COX10: variants seen among roughly 807,000 people sequenced by gnomAD.
COX10 encodes cytochrome c oxidase assembly factor heme A:farnesyltransferase COX10.
A neutral mutation model predicts 37.3 loss-of-function variants in COX10; 27 were observed. The observed-to-expected ratio is 0.72, with a 90% CI of 0.53 to 1.00. The LOEUF (loss-of-function observed/expected upper bound fraction) is 1.00. COX10 is among the 50% of genes least tolerant of loss of function. COX10 has a pLI of 0.00. For missense variants in COX10, 475 were observed against 563.2 expected, an observed-to-expected ratio of 0.84 and a Z score of 1.59; for synonymous variants, 222 against 229.1, an observed-to-expected ratio of 0.97 and a Z score of 0.28.
chr17:14,072,175 T>C (rs2142178747), intron 1 of COX10, among the ~76,000 whole-genome samples: 1 of 152,206 alleles, frequency 6.6e-6, no homozygotes, highest in East Asian at 1.9e-4. Context: ...AGCTGTTTTT[T>C]CTTCTTACTA....
At chr17:14,101,015 T>A (rs1312394283) in intron 3 of COX10, among the ~76,000 whole-genome samples, 2 of 152,104 alleles carry the variant, frequency 1.3e-5, no homozygotes, top group Non-Finnish European at 2.9e-5. Context: ...TTCCAGACAA[T>A]GCTAAATGTC....
At chr17:14,176,430 T>A (rs936690536) in intron 5 of COX10, among the ~76,000 whole-genome samples, 1 of 151,992 alleles carries the variant, frequency 6.6e-6, no homozygotes, top group Non-Finnish European at 1.5e-5. Flanking sequence ...AATAATAGAG[T>A]AAACCCCGCA....
At chr17:14,127,692 T>C (rs1916374254) in intron 4 of COX10, among the ~76,000 whole-genome samples, 1 of 152,130 alleles carries the variant, frequency 6.6e-6, no homozygotes, top group Admixed American at 6.5e-5. Flanking sequence ...TGGCCTTGTG[T>C]TTAAAATATT....
At chr17:14,124,543 C>T (rs1180838762) in intron 4 of COX10, among the ~76,000 whole-genome samples, 1 of 152,110 alleles carries the variant, frequency 6.6e-6, no homozygotes, top group African/African-American at 2.4e-5. Flanking sequence ...TGTTTGTTCT[C>T]ACAGTTCATG....
intron 4 of COX10, among the ~76,000 whole-genome samples, chr17:14,112,220 A>T (rs1353233759): frequency 1.3e-5 from 2 of 152,174 alleles, no homozygotes; most frequent in African/African-American, 2.4e-5. Flanking sequence ...CTCAGTGAAC[A>T]TTCAGGCTTT....
chr17:14,206,069 C>A (rs1906689275), intron 6 of COX10, among the ~76,000 whole-genome samples: 1 of 152,162 alleles, frequency 6.6e-6, no homozygotes, highest in Non-Finnish European at 1.5e-5. Flanking sequence ...CCCGCTTGTG[C>A]CATTGTGCCA....
intron 3 of COX10, among the ~76,000 whole-genome samples, chr17:14,099,218 G>A (rs1243081849): frequency 3.3e-5 from 5 of 152,048 alleles, no homozygotes; most frequent in Admixed American, 3.3e-4. Context: ...CCATATTTGG[G>A]AACAACTGAG....
intron 6 of COX10, among the ~76,000 whole-genome samples, chr17:14,206,516 C>G (rs1347272214): frequency 6.6e-6 from 1 of 152,130 alleles, no homozygotes; most frequent in Non-Finnish European, 1.5e-5. Context: ...TCCTGCAGCG[C>G]AGGCAGCCCC....
chr17:14,180,067 G>T (rs544592863), intron 5 of COX10, among the ~76,000 whole-genome samples: 1 of 152,230 alleles, frequency 6.6e-6, no homozygotes, highest in South Asian at 2.1e-4. Flanking sequence ...TTTACTGAGG[G>T]TTTTACCAGT....
chr17:14,171,307 G>A (rs1351055667), intron 5 of COX10, among the ~76,000 whole-genome samples: 3 of 152,176 alleles, frequency 2.0e-5, no homozygotes, highest in South Asian at 2.1e-4. Flanking sequence ...GGCAACACAC[G>A]TGCATTAAAA....
chr17:14,102,354 T>A, intron 4 of COX10, 112 bp downstream of exon 4: 1 of 1,468,986 alleles, frequency 6.8e-7, no homozygotes. Flanking sequence ...GAAGCATTTG[T>A]AACACTATAT....
chr17:14,172,813 A>G (rs1356158609), intron 5 of COX10, among the ~76,000 whole-genome samples: 5 of 151,656 alleles, frequency 3.3e-5, no homozygotes, highest in African/African-American at 1.2e-4. Flanking sequence ...TTGGCCTCCT[A>G]AAGTGCTGGG....
At chr17:14,165,150 A>AAATGTAAGGGT (rs1905251476) in intron 5 of COX10, among the ~76,000 whole-genome samples, 2 of 152,348 alleles carry the variant, frequency 1.3e-5, no homozygotes, top group South Asian at 4.1e-4. Flanking sequence ...AAAAACATAT[A>AAATGTAAGGGT]AATGTAAAGT....
intron 4 of COX10, among the ~76,000 whole-genome samples, chr17:14,157,510 A>T (rs941187281): frequency 6.6e-6 from 1 of 152,226 alleles, no homozygotes; most frequent in Non-Finnish European, 1.5e-5. Context: ...TGTCGTATAG[A>T]ATGATGAAAA....
In COX10 at chr17:14,207,527, T is replaced by G; in HGVS notation, c.*314T>G. ...TCACATGGGGGTACACATACACAGC[T>G]TCCTCTTTTGGTTCCATCCTTACCA... On this transcript the variant is annotated 3_prime_UTR_variant, in exon 7 of 7. Coordinates refer to ENST00000261643, the MANE Select transcript of COX10 (RefSeq NM_001303.4). 3.3e-6 allele frequency: 1 copy of G among 303,278 alleles called. No homozygotes were observed. The highest frequency in any genetic ancestry group is 6.2e-6 in the Non-Finnish European group (1 of 161,298). The allele number at this position is 303,278 out of a possible 1,614,324, so 18.8% of individuals were successfully genotyped here.
intron 2 of COX10, among the ~76,000 whole-genome samples, chr17:14,075,756 C>T (rs1465717209): frequency 1.3e-5 from 2 of 151,850 alleles, no homozygotes; most frequent in Admixed American, 6.6e-5. Flanking sequence ...TTTGGGAGGC[C>T]GAGGCGGGCG....
At chr17:14,096,337 T>A (rs1037371696) in intron 3 of COX10, among the ~76,000 whole-genome samples, 14 of 151,886 alleles carry the variant, frequency 9.2e-5, no homozygotes, top group African/African-American at 1.7e-4. Context: ...TCATTGTGAT[T>A]GTTTCAAAAT....
intron 3 of COX10, among the ~76,000 whole-genome samples, chr17:14,080,576 C>T (rs924638645): frequency 4.6e-5 from 7 of 152,194 alleles, no homozygotes; most frequent in East Asian, 1.9e-4. Flanking sequence ...TTACCAGTTT[C>T]GCCAATTTGA....
intron 6 of COX10, among the ~76,000 whole-genome samples, chr17:14,202,871 G>A (rs995463987): frequency 6.6e-6 from 1 of 152,022 alleles, no homozygotes; most frequent in Non-Finnish European, 1.5e-5. Context: ...CTGTCTCAGA[G>A]GCCTACTGGG....
Sources: allele counts gnomAD v4.1 joint callset (sites outside exome capture counted in the v4.1 genomes callset), GRCh38; gene constraint gnomAD v4.1.1; transcripts MANE v1.5; gene names NCBI Gene and HGNC (gene_info 2026-07-23, HGNC 2026-07-21).